SLC6A16: variants seen among roughly 807,000 people sequenced by gnomAD.
SLC6A16 encodes solute carrier family 6 member 16, also known as orphan sodium- and chloride-dependent neurotransmitter transporter NTT5.
SLC6A16 carries 54 observed loss-of-function variants against 65.4 expected under a neutral mutation model. The observed-to-expected ratio is 0.83, with a 90% CI of 0.66 to 1.04. The LOEUF (loss-of-function observed/expected upper bound fraction) is 1.04. Ranked by LOEUF, SLC6A16 falls within the 50% of genes least tolerant of loss-of-function variation. The pLI is 0.00. For synonymous variants in SLC6A16, 330 were observed against 346.5 expected, an observed-to-expected ratio of 0.95 and a Z score of 0.53; for missense variants, 816 against 914.0, an observed-to-expected ratio of 0.89 and a Z score of 1.38.
At chr19:49,308,775 G>A (rs758848438) in intron 7 of SLC6A16, 101 bp downstream of exon 7, 13 of 1,464,736 alleles carry the variant, frequency 8.9e-6, no homozygotes, top group Non-Finnish European at 1.2e-5. Flanking sequence ...ACCCAAGGTT[G>A]AAATGTGTGA....
chr19:49,294,251 C>T, intron 8 of SLC6A16, 116 bp downstream of exon 8: 1 of 1,052,792 alleles, frequency 9.5e-7, no homozygotes, highest in Admixed American at 2.3e-5. Context: ...TTACTGAGAG[C>T]CACAGATGAT....
At chr19:49,331,133 C>T in the SLC6A16 span, among the ~76,000 whole-genome samples, 1 of 152,172 alleles carries the variant, frequency 6.6e-6, no homozygotes, top group African/African-American at 2.4e-5. Context: ...CCTTCAAAGG[C>T]TCAGAGGACA....
rs1419679678 is a variant in SLC6A16, at chr19:49,311,047, G to A, written c.301C>T (p.Leu101Phe). ...TTGCTGGACCAGAACGGACGGGCAA[G>A]GAGGACCTCACTCTCTTTCTTCTCT... ...MTEKKESEVL[L>F]ARPFWSSKTE... is the part of the protein sequence containing the mutation. The change falls in exon 2 of 12, where the codon CTT becomes TTT. Residue 101 changes from leucine to phenylalanine, a missense_variant. By Grantham distance (22) the Leu-to-Phe change is conservative. Coordinates refer to ENST00000335875, the MANE Select transcript of SLC6A16 (RefSeq NM_014037.3). 8 of 1,614,086 alleles carry A rather than the reference G, an allele frequency of 5.0e-6. No homozygotes were observed. Among genetic ancestry groups the A allele is most frequent in the African/African-American group, 1.3e-5 (1 of 74,934 alleles).
upstream of SLC6A16, among the ~76,000 whole-genome samples, chr19:49,328,714 C>T (rs1026234442): frequency 2.0e-5 from 3 of 152,200 alleles, no homozygotes; most frequent in African/African-American, 7.2e-5. Flanking sequence ...TGCAGGCTCT[C>T]CTTAGCAACT....
chr19:49,340,123 A>C, the SLC6A16 span: 41 of 1,521,780 alleles, frequency 2.7e-5, no homozygotes, highest in East Asian at 7.1e-5. Flanking sequence ...TTTTCTACCT[A>C]TCCCCTTCTC....
chr19:49,332,041 A>G, the SLC6A16 span: 6 of 453,578 alleles, frequency 1.3e-5, no homozygotes, highest in African/African-American at 1.2e-4. Context: ...GAACAACAGA[A>G]ATGTATTCTC....
rs192727407 is a variant in SLC6A16, at chr19:49,310,503, G to A, written c.423C>T (p.Phe141=). The A allele has an allele frequency of 3.8e-5, 62 of 1,614,024 alleles. No homozygotes were observed. The highest frequency in any genetic ancestry group is 4.9e-5 in the Non-Finnish European group (58 of 1,180,000). ...YLWLNSGGCS[F]AAIYIFMLFL... is the part of the protein sequence containing the mutation. ...ACAGCATGAAGATGTAGATGGCAGCGAAACTGCCTGTGAAGAAGATTCAGA... is the reference window on the plus strand; with the variant it reads ...ACAGCATGAAGATGTAGATGGCAGCAAAACTGCCTGTGAAGAAGATTCAGA... The change falls in exon 3 of 12, where the codon TTC becomes TTT. Residue 141 remains phenylalanine, a synonymous_variant. Coordinates refer to ENST00000335875, the MANE Select transcript of SLC6A16 (RefSeq NM_014037.3).
At chr19:49,319,447 AT>A (rs1469848269) in intron 1 of SLC6A16, among the ~76,000 whole-genome samples, 1 of 52,290 alleles carries the variant, frequency 1.9e-5, no homozygotes. Context: ...ATAAATACAT[AT>A]ACATATACAT....
the SLC6A16 span, chr19:49,338,764 G>C: frequency 3.7e-6 from 6 of 1,613,556 alleles, no homozygotes; most frequent in Non-Finnish European, 4.2e-6. The surrounding 1 kb of genome is among the most constrained non-coding windows in gnomAD (Gnocchi z 5.0). Flanking sequence ...AGAGGTAACG[G>C]GTCGGAGGCG....
intron 1 of SLC6A16, chr19:49,312,677 G>A: frequency 8.5e-6 from 5 of 588,782 alleles, no homozygotes; most frequent in Non-Finnish European, 8.5e-6. Context: ...TTTCAGTGGG[G>A]GAAGGAGCAT....
chr19:49,338,607 C>T, the SLC6A16 span: 1 of 915,498 alleles, frequency 1.1e-6, no homozygotes, highest in Non-Finnish European at 1.8e-6. This position sits in a 1 kb window ranked among gnomAD's most constrained non-coding sequence, Gnocchi z 5.0. Flanking sequence ...TCCCCTGCTC[C>T]CCGACCTGAC....
Position 49,313,072 on chromosome 19 carries a change from C to CAAAAAAAAAAAAAA in SLC6A16, c.-64-1675_-64-1662dup, listed in dbSNP as rs5828385. On this transcript the variant is annotated intron_variant, in intron 1 of 11. Transcript: ENST00000335875. ...CACTCCAGCCTGGGCAACCCTGTCTCAAAAAAAAAAAAAAAAAAAAAAAGA... is the reference window on the plus strand; with the variant it reads ...CACTCCAGCCTGGGCAACCCTGTCTCAAAAAAAAAAAAAAAAAAAAAAAAAAAAAAAAAAAAAGA... 9.3e-4 allele frequency among the ~76,000 whole-genome samples: 89 copies of CAAAAAAAAAAAAAA among 95,764 alleles called. 1 individual carries two copies. Among genetic ancestry groups the CAAAAAAAAAAAAAA allele is most frequent in the African/African-American group, 4.2e-3 (80 of 18,966 alleles). The allele number at this position is 95,764 out of a possible 152,430, so 62.8% of individuals were successfully genotyped here. A position where few individuals can be genotyped will look rare whatever the true frequency, so the allele number is the denominator to read the frequency against.
At position 49,302,174 on chromosome 19, in the gene SLC6A16, C is replaced by A. The variant is rs140065341; in HGVS notation, c.1229+6702G>T. On this transcript the variant is annotated intron_variant, in intron 7 of 11. Coordinates refer to ENST00000335875, the MANE Select transcript of SLC6A16 (RefSeq NM_014037.3). ...CCCCTTGCCACCATTAATGAGCCTGCAACTAGCCTCTGCTGCCATGCTTGT... is the reference window on the plus strand; with the variant it reads ...CCCCTTGCCACCATTAATGAGCCTGAAACTAGCCTCTGCTGCCATGCTTGT... Among the ~76,000 whole-genome samples the A allele has an allele frequency of 7.4e-3, 1,120 of 152,304 alleles. 4 individuals are homozygous for A. Among genetic ancestry groups the A allele is most frequent in the Non-Finnish European group, 0.012 (794 of 68,018 alleles).
At chr19:49,336,668 G>C in the SLC6A16 span, 1 of 485,528 alleles carries the variant, frequency 2.1e-6, no homozygotes, top group South Asian at 2.6e-5. Flanking sequence ...GGGACGAGGA[G>C]GAGCTGAAGG....
chr19:49,299,792 G>A (rs1970253417), intron 7 of SLC6A16, among the ~76,000 whole-genome samples: 1 of 151,980 alleles, frequency 6.6e-6, no homozygotes, highest in Non-Finnish European at 1.5e-5. Context: ...GGAGGCCAAG[G>A]CAGGTGGATC....
At chr19:49,299,425 G>A (rs1600617243) in intron 7 of SLC6A16, among the ~76,000 whole-genome samples, 1 of 151,440 alleles carries the variant, frequency 6.6e-6, no homozygotes, top group African/African-American at 2.4e-5. Flanking sequence ...GTGGTGGCAT[G>A]TGCCTGTAGT....
chr19:49,295,262 C>T (rs1970163726), intron 7 of SLC6A16, among the ~76,000 whole-genome samples: 1 of 152,036 alleles, frequency 6.6e-6, no homozygotes, highest in African/African-American at 2.4e-5. Flanking sequence ...TGCCTGTAGT[C>T]CCAGCTATTC....
chr19:49,304,431 T>C (rs1415820204), intron 7 of SLC6A16, among the ~76,000 whole-genome samples: 1 of 152,238 alleles, frequency 6.6e-6, no homozygotes, highest in African/African-American at 2.4e-5. Flanking sequence ...AGGAAAATTA[T>C]TTCAAAACAA....
At chr19:49,333,186 C>A in the SLC6A16 span, among the ~76,000 whole-genome samples, 5 of 151,254 alleles carry the variant, frequency 3.3e-5, no homozygotes, top group African/African-American at 9.7e-5. Context: ...ACAACAACAA[C>A]AAAAACCTGG....
Sources: gnomAD v4.1 joint callset for allele counts (sites outside exome capture counted in the v4.1 genomes callset) on GRCh38, gnomAD v4.1.1 for gene constraint, Gnocchi (gnomAD v3.1) non-coding constraint, MANE v1.5 for transcripts, NCBI Gene and HGNC (gene_info 2026-07-23, HGNC 2026-07-21) for gene names.